The following PDE10A variants were observed in gnomAD, a reference collection of about 807,000 sequenced individuals.
The protein encoded by PDE10A is phosphodiesterase 10A, also known as cAMP and cAMP-inhibited cGMP 3',5'-cyclic phosphodiesterase 10A.
Under a neutral mutation model 97.7 loss-of-function variants are expected in PDE10A, and 39 were observed. The ratio of observed to expected loss-of-function variants is 0.40; its 90% confidence interval spans 0.31 to 0.52. The LOEUF (loss-of-function observed/expected upper bound fraction) is 0.52. Ranked by LOEUF, PDE10A falls within the 20% of genes least tolerant of loss-of-function variation. The probability of loss-of-function intolerance (pLI) is 0.56; values close to 1 mark genes in which losing one functional copy is unlikely to be tolerated. For synonymous variants in PDE10A, 371 were observed against 376.8 expected, an observed-to-expected ratio of 0.98 and a Z score of 0.18; for missense variants, 731 against 1,047.8, an observed-to-expected ratio of 0.70 and a Z score of 4.17.
At chr6:165,364,735 T>C (rs1002523351) in intron 18 of PDE10A, among the ~76,000 whole-genome samples, 4 of 152,314 alleles carry the variant, frequency 2.6e-5, no homozygotes, top group South Asian at 4.1e-4. Flanking sequence ...TGATCAACTA[T>C]AAAATTTTAA....
In PDE10A at chr6:165,661,572, G is replaced by A. The variant is rs1790263557; in HGVS notation, c.865+375C>T. 1.0e-5 allele frequency: 2 copies of A among 195,808 alleles called. No homozygotes were observed. Among genetic ancestry groups the A allele is most frequent in the Non-Finnish European group, 2.1e-5 (2 of 97,018 alleles). The allele number at this position is 195,808 out of a possible 1,614,324, so 12.1% of individuals were successfully genotyped here. A position where few individuals can be genotyped will look rare whatever the true frequency, so the allele number is the denominator to read the frequency against. The stretch of plus-strand genomic sequence containing the variant: ...GCCAAGTGGCCACAGGCTCAAGAGG[G>A]AGGAACCTAAGTGGTCACAAAGTTG... On this transcript the variant is annotated intron_variant, in intron 1 of 21. Coordinates refer to ENST00000539869, the MANE Select transcript of PDE10A (RefSeq NM_001385079.1). This position sits in a 1 kb window ranked among gnomAD's most constrained non-coding sequence, Gnocchi z 4.8.
At chr6:165,960,527 T>C (rs1784323858) in intron 1 of PDE10A, among the ~76,000 whole-genome samples, 2 of 152,144 alleles carry the variant, frequency 1.3e-5, no homozygotes, top group South Asian at 4.1e-4. Flanking sequence ...CCCCTAGACA[T>C]GTTGTCATTA....
At chr6:165,548,592 T>A (rs955661740) in intron 1 of PDE10A, among the ~76,000 whole-genome samples, 18 of 152,172 alleles carry the variant, frequency 1.2e-4, no homozygotes, top group Admixed American at 1.0e-3. Flanking sequence ...GTAGGTTCCA[T>A]TTGGGGTACA....
intron 18 of PDE10A, among the ~76,000 whole-genome samples, chr6:165,347,362 G>A (rs1028331394): frequency 6.6e-5 from 10 of 151,966 alleles, no homozygotes; most frequent in Non-Finnish European, 1.3e-4. Flanking sequence ...GTATAAACAT[G>A]ATATAGTAAT....
At chr6:165,897,429 G>A (rs1781984164) in intron 1 of PDE10A, among the ~76,000 whole-genome samples, 1 of 152,210 alleles carries the variant, frequency 6.6e-6, no homozygotes, top group Non-Finnish European at 1.5e-5. Flanking sequence ...GGGGGTGGGG[G>A]AGATAGGGAG....
intron 1 of PDE10A, among the ~76,000 whole-genome samples, chr6:165,642,624 CTTGTAAGACAGATCTCAAG>C (rs1286274064): frequency 1.3e-5 from 2 of 152,296 alleles, no homozygotes; most frequent in South Asian, 4.2e-4. Flanking sequence ...GCTGAGGAGA[CTTGTAAGACAGATCTCAAG>C]TAAAACCATT....
intron 1 of PDE10A, among the ~76,000 whole-genome samples, chr6:165,967,431 A>T (rs1784544349): frequency 6.6e-6 from 1 of 152,226 alleles, no homozygotes; most frequent in Admixed American, 6.5e-5. Flanking sequence ...CGGGAGGCAA[A>T]GGTTGCAGTG....
At position 165,430,278 on chromosome 6, in the gene PDE10A, A is replaced by G. The variant is rs1010263974; in HGVS notation, c.1601+9T>C. The stretch of plus-strand genomic sequence containing the variant: ...ATAAGAGCTACTATCCCTAGAAATG[A>G]ACACTTACTTTGATACGTCGAGTAG... On this transcript the variant is annotated intron_variant, in intron 9 of 21. Coordinates refer to ENST00000539869, the MANE Select transcript of PDE10A (RefSeq NM_001385079.1). The G allele has an allele frequency of 5.6e-6, 9 of 1,601,330 alleles. No individual in the cohort carries two copies. Among genetic ancestry groups the G allele is most frequent in the Non-Finnish European group, 7.7e-6 (9 of 1,170,710 alleles).
Position 165,443,348 on chromosome 6 carries a change from A to C in PDE10A, c.1194+5580T>G, listed in dbSNP as rs1176274856. Among the ~76,000 whole-genome samples the C allele has an allele frequency of 3.3e-5, 5 of 152,178 alleles. No homozygotes were observed. In the East Asian group the frequency reaches 9.7e-4, roughly 30 times the overall value. On this transcript the variant is annotated intron_variant, in intron 5 of 21. Transcript: ENST00000539869. ...TCATTAAATATTAAGGCCCCAAAAT[A>C]ATCTCCTTTGACTCCATGTCTCACA... is the stretch of plus-strand genomic sequence containing the variant.
chr6:165,379,451 G>T, intron 17 of PDE10A, 85 bp from the exon 18 acceptor site: 1 of 1,059,958 alleles, frequency 9.4e-7, no homozygotes, highest in Non-Finnish European at 1.4e-6. Flanking sequence ...AAACTATATA[G>T]TCAGTCAATG....
chr6:165,734,077 GA>G (rs749725898), intron 1 of PDE10A, among the ~76,000 whole-genome samples: 3 of 152,158 alleles, frequency 2.0e-5, no homozygotes, highest in Admixed American at 6.5e-5. Context: ...CATTCCCCAG[GA>G]AAAATGAACG....
At chr6:165,970,625 ATAAACT>A (rs1784640783) in intron 1 of PDE10A, among the ~76,000 whole-genome samples, 1 of 152,234 alleles carries the variant, frequency 6.6e-6, no homozygotes, top group Non-Finnish European at 1.5e-5. Context: ...ATAGCTAAAA[ATAAACT>A]TAGAGGAAAG....
intron 14 of PDE10A, among the ~76,000 whole-genome samples, chr6:165,395,955 T>G (rs1786128135): frequency 6.6e-6 from 1 of 152,192 alleles, no homozygotes; most frequent in African/African-American, 2.4e-5. Context: ...GAATTTAATT[T>G]GGAAGTTTAA....
chr6:165,356,169 G>T (rs1277482400), intron 18 of PDE10A, among the ~76,000 whole-genome samples: 1 of 152,104 alleles, frequency 6.6e-6, no homozygotes. Context: ...CGCTCACCAG[G>T]CCCCTCCCTT....
At chr6:165,338,990 A>G (rs1183875999) in intron 20 of PDE10A, among the ~76,000 whole-genome samples, 1 of 152,206 alleles carries the variant, frequency 6.6e-6, no homozygotes, top group Non-Finnish European at 1.5e-5. Flanking sequence ...TTGGCCGTCA[A>G]ACTCAGATTA....
At chr6:165,777,833 C>A (rs1011892829) in intron 1 of PDE10A, among the ~76,000 whole-genome samples, 1 of 152,088 alleles carries the variant, frequency 6.6e-6, no homozygotes, top group East Asian at 1.9e-4. Flanking sequence ...GGTTACCTAC[C>A]GACACCATGG....
At chr6:165,482,776 T>C (rs188607478) in intron 2 of PDE10A, among the ~76,000 whole-genome samples, 22 of 152,298 alleles carry the variant, frequency 1.4e-4, no homozygotes, top group Non-Finnish European at 2.6e-4. Context: ...AGCTGTTCTG[T>C]TGAAATAAGA....
At chr6:165,676,582 T>C (rs1790801252) in intron 1 of PDE10A, among the ~76,000 whole-genome samples, 1 of 151,812 alleles carries the variant, frequency 6.6e-6, no homozygotes, top group Non-Finnish European at 1.5e-5. Flanking sequence ...GAGGAGGGGA[T>C]AGCCGTGAGA....
At chr6:165,760,768 G>T (rs1424811290) in intron 1 of PDE10A, among the ~76,000 whole-genome samples, 1 of 152,150 alleles carries the variant, frequency 6.6e-6, no homozygotes, top group African/African-American at 2.4e-5. Context: ...TGAGAAAATC[G>T]AGTTCATAGA....
Sources: allele counts gnomAD v4.1 joint callset (sites outside exome capture counted in the v4.1 genomes callset), GRCh38; gene constraint gnomAD v4.1.1; non-coding constraint Gnocchi (gnomAD v3.1); transcripts MANE v1.5; gene names NCBI Gene and HGNC (gene_info 2026-07-23, HGNC 2026-07-21).